The following POR variants were observed in gnomAD, a reference collection of about 807,000 sequenced individuals.
POR encodes the protein NADPH--cytochrome P450 reductase.
In POR, 56 loss-of-function variants were observed where a neutral mutation model predicts 84.0. The ratio of observed to expected loss-of-function variants is 0.67; its 90% confidence interval spans 0.54 to 0.83. The LOEUF (loss-of-function observed/expected upper bound fraction) is 0.83, where lower values mean the gene tolerates loss of function less well. Among genes scored for constraint, POR ranks in the 40% least tolerant of loss-of-function variants. The pLI is 0.00. For synonymous variants in POR, 414 were observed against 400.5 expected (o/e 1.03, Z -0.40); for missense variants, 938 against 944.3 (o/e 0.99, Z 0.09).
At position 75,985,777 on chromosome 7, in the gene POR, A is replaced by G. The variant is rs782164254; in HGVS notation, c.1597A>G (p.Met533Val). 2.5e-6 allele frequency: 4 copies of G among 1,576,172 alleles called. No homozygotes were observed. The highest frequency in any genetic ancestry group is 3.7e-5 in the Admixed American group (2 of 54,454). ...CTTCAAGGCCACCACGCCTGTCATC[A>G]TGGTGGGCCCCGGCACCGGGGTGGC... The change falls in exon 13 of 16, where the codon ATG becomes GTG. Residue 533 changes from methionine (M) to valine (V), a missense_variant. Coordinates refer to ENST00000461988, the MANE Select transcript of POR (RefSeq NM_000941.3).
At chr7:75,973,553 A>G (rs1007246625) in intron 3 of POR, among the ~76,000 whole-genome samples, 1 of 151,250 alleles carries the variant, frequency 6.6e-6, no homozygotes, top group Non-Finnish European at 1.5e-5. Flanking sequence ...CCTGGCCTCA[A>G]GCAATCCTTC....
At chr7:75,983,917 G>T in intron 10 of POR, 61 bp downstream of exon 10, 1 of 1,346,092 alleles carries the variant, frequency 7.4e-7, no homozygotes. Flanking sequence ...GGGCCTGTAG[G>T]AAGGCCCTGG....
chr7:75,937,496 AAGAAG>A (rs1807757362), intron 1 of POR, among the ~76,000 whole-genome samples: 1 of 147,382 alleles, frequency 6.8e-6, no homozygotes, highest in Non-Finnish European at 1.5e-5. Context: ...AAAAAAAAAA[AAGAAG>A]GCCGTGTTTG....
intron 1 of POR, among the ~76,000 whole-genome samples, chr7:75,921,734 C>T (rs1806881662): frequency 6.6e-6 from 1 of 152,080 alleles, no homozygotes; most frequent in African/African-American, 2.4e-5. Context: ...TCGGTCACCC[C>T]TCCTTTCTCT....
In POR at chr7:75,918,044, C is replaced by T. The variant is rs544293143; in HGVS notation, c.-5+2865C>T. On this transcript the variant is annotated intron_variant, in intron 1 of 15. Transcript: ENST00000461988. Reference sequence around the variant, plus strand: ...AAAATTGACTGGGCATGGTGGCTCACGCCTGTAATCCCAGCACTTTGGGAG... The same window carrying T: ...AAAATTGACTGGGCATGGTGGCTCATGCCTGTAATCCCAGCACTTTGGGAG... Among the ~76,000 whole-genome samples, 125 of 152,220 alleles carry T rather than the reference C, an allele frequency of 8.2e-4. 1 individual carries two copies. Among genetic ancestry groups the T allele is most frequent in the African/African-American group, 2.8e-3 (118 of 41,528 alleles).
At chr7:75,952,418 C>G (rs1285509682) in intron 1 of POR, among the ~76,000 whole-genome samples, 3 of 139,348 alleles carry the variant, frequency 2.2e-5, no homozygotes, top group Non-Finnish European at 4.8e-5. Context: ...GGGGGGCTGA[C>G]CCCCCCACCT....
chr7:75,986,089 C>T (rs1321468790), intron 14 of POR, 21 bp downstream of exon 14: 26 of 1,569,562 alleles, frequency 1.7e-5, no homozygotes, highest in East Asian at 4.8e-5. Flanking sequence ...CGGGCACCCA[C>T]GAAGGTGGGC....
In POR at chr7:75,982,172, C is replaced by T. The variant is rs72557922; in HGVS notation, c.732-52C>T. 201 of 1,440,126 alleles carry T rather than the reference C, an allele frequency of 1.4e-4. 2 individuals are homozygous for T. In the South Asian group the frequency reaches 2.1e-3, roughly 15 times the overall value. 89.2% of individuals were successfully genotyped at this position (1,440,126 alleles called of 1,614,324 possible). A position where few individuals can be genotyped will look rare whatever the true frequency, so the allele number is the denominator to read the frequency against. ...CCCCTGTAGTCCAACCCCTCCCTCTCGGGACTGACCCCTGCCGCTTCCCGG... is the reference window on the plus strand; with the variant it reads ...CCCCTGTAGTCCAACCCCTCCCTCTTGGGACTGACCCCTGCCGCTTCCCGG... On this transcript the variant is annotated intron_variant, in intron 7 of 15. Coordinates refer to ENST00000461988, the MANE Select transcript of POR (RefSeq NM_000941.3).
intron 8 of POR, 71 bp downstream of exon 8, chr7:75,982,393 G>A (rs891532300): frequency 1.3e-5 from 16 of 1,277,642 alleles, no homozygotes; most frequent in Admixed American, 2.0e-5. Flanking sequence ...TCAGTCTGCC[G>A]TGTATCCCCA....
rs542671687 is a variant in POR, at chr7:75,924,368, A to G, written c.-5+9189A>G. On this transcript the variant is annotated intron_variant, in intron 1 of 15. Coordinates refer to ENST00000461988, the MANE Select transcript of POR (RefSeq NM_000941.3). ...GATCAGTTACCTGGATGCTGAAGAC[A>G]TGAATAAATTTGTTTATTTTAAAAA... is the stretch of plus-strand genomic sequence containing the variant. 2.6e-5 allele frequency among the ~76,000 whole-genome samples: 4 copies of G among 152,322 alleles called. No individual in the cohort carries two copies. In the East Asian group the frequency reaches 5.8e-4, roughly 22 times the overall value.
At chr7:75,956,010 G>T (rs1352100080) in intron 2 of POR, among the ~76,000 whole-genome samples, 1 of 152,094 alleles carries the variant, frequency 6.6e-6, no homozygotes, top group African/African-American at 2.4e-5. Flanking sequence ...TAAAAACTGG[G>T]TTCAGGGCCA....
intron 2 of POR, among the ~76,000 whole-genome samples, chr7:75,970,707 C>T (rs1409583963): frequency 6.6e-6 from 1 of 150,880 alleles, no homozygotes; most frequent in African/African-American, 2.4e-5. Context: ...CAAGATCGTG[C>T]CACTGCACTC....
Position 75,985,701 on chromosome 7 carries a change from C to T in POR, c.1521C>T (p.Gly507=), listed in dbSNP as rs370823127. Residue 507 remains glycine, a synonymous_variant, in exon 13 of 16, where the codon GGC becomes GGT. Coordinates refer to ENST00000461988, the MANE Select transcript of POR (RefSeq NM_000941.3). ...CCAAGGAGCCTGCCGGGGAGAACGG[C>T]GGCCGTGCGCTGGTGCCCATGTTCG... 3.3e-4 allele frequency: 518 copies of T among 1,588,148 alleles called. 1 individual carries two copies. The highest frequency in any genetic ancestry group is 2.7e-3 in the Middle Eastern group (16 of 6,020).
chr7:75,958,172 G>A (rs1446298527), intron 2 of POR, among the ~76,000 whole-genome samples: 1 of 152,062 alleles, frequency 6.6e-6, no homozygotes, highest in Non-Finnish European at 1.5e-5. Flanking sequence ...GCTGGAATAC[G>A]CTGGCACGAT....
intron 1 of POR, among the ~76,000 whole-genome samples, chr7:75,927,015 G>T (rs1807164313): frequency 6.6e-6 from 1 of 152,148 alleles, no homozygotes; most frequent in African/African-American, 2.4e-5. Context: ...GCGTCTACCT[G>T]TAACTTTGCC....
intron 2 of POR, among the ~76,000 whole-genome samples, chr7:75,965,625 C>T (rs137999842): frequency 3.7e-4 from 57 of 152,236 alleles, no homozygotes; most frequent in Middle Eastern, 3.4e-3. Flanking sequence ...GCTGAATAAC[C>T]CTGAGTTTCT....
chr7:75,958,498 T>A (rs1787784773), intron 2 of POR, among the ~76,000 whole-genome samples: 1 of 152,114 alleles, frequency 6.6e-6, no homozygotes, highest in Non-Finnish European at 1.5e-5. Flanking sequence ...AGCAGCCCAT[T>A]TTGCGGATGA....
intron 4 of POR, 104 bp from the exon 5 acceptor site, chr7:75,980,235 C>T: frequency 7.2e-7 from 1 of 1,388,464 alleles, no homozygotes; most frequent in African/African-American, 1.4e-5. Flanking sequence ...CATCCCTGGC[C>T]TGGTGCCACC....
At chr7:75,915,609 A>T (rs1554547967) in intron 1 of POR, 1 of 152,232 alleles carries the variant, frequency 6.6e-6, no homozygotes, top group Non-Finnish European at 1.5e-5. Flanking sequence ...GGGGGTACCT[A>T]ACGTGAGAGG....
Sources: allele counts gnomAD v4.1 joint callset (sites outside exome capture counted in the v4.1 genomes callset), GRCh38; gene constraint gnomAD v4.1.1; transcripts MANE v1.5; gene names NCBI Gene and HGNC (gene_info 2026-07-23, HGNC 2026-07-21).